The following CTNND2 variants were observed in gnomAD, a reference collection of about 807,000 sequenced individuals.
CTNND2 encodes the protein catenin delta 2, also known as catenin delta-2.
A neutral mutation model predicts 144.4 loss-of-function variants in CTNND2; 22 were observed. The ratio of observed to expected loss-of-function variants is 0.15; its 90% confidence interval spans 0.11 to 0.22. The LOEUF is 0.22. Ranked by LOEUF, CTNND2 falls within the 10% of genes least tolerant of loss-of-function variation. CTNND2 has a pLI of 1.00. For missense variants in CTNND2, 1,353 were observed against 1,618.8 expected, an observed-to-expected ratio of 0.84 and a Z score of 2.82; for synonymous variants, 751 against 695.6, an observed-to-expected ratio of 1.08 and a Z score of -1.25.
chr5:11,403,976 G>A (rs1760857542), intron 5 of CTNND2, among the ~76,000 whole-genome samples: 1 of 152,122 alleles, frequency 6.6e-6, no homozygotes, highest in African/African-American at 2.4e-5. Context: ...CTTTATTCTA[G>A]TGGTTCTCAA....
At chr5:11,293,289 T>C (rs1386862345) in intron 9 of CTNND2, among the ~76,000 whole-genome samples, 1 of 152,182 alleles carries the variant, frequency 6.6e-6, no homozygotes, top group African/African-American at 2.4e-5. Flanking sequence ...GTGACCCTCA[T>C]ACAATTCCAG....
intron 16 of CTNND2, 28 bp from the exon 17 acceptor site, chr5:11,023,007 G>C (rs1742435799): frequency 6.2e-7 from 1 of 1,605,274 alleles, no homozygotes; most frequent in Non-Finnish European, 8.5e-7. Flanking sequence ...GAGAAGAGTT[G>C]AAAGGAGGTC....
At chr5:11,399,946 A>G (rs767628340) in intron 5 of CTNND2, among the ~76,000 whole-genome samples, 9 of 152,360 alleles carry the variant, frequency 5.9e-5, no homozygotes, top group Middle Eastern at 6.8e-3. Context: ...GAGCACAGAC[A>G]TATGAAACAC....
intron 2 of CTNND2, among the ~76,000 whole-genome samples, chr5:11,667,031 T>C (rs1367854153): frequency 6.6e-6 from 1 of 152,064 alleles, no homozygotes; most frequent in African/African-American, 2.4e-5. Flanking sequence ...GGTTTTCTGT[T>C]CTTGTGTTAG....
At chr5:11,120,379 G>T (rs1473897790) in intron 12 of CTNND2, among the ~76,000 whole-genome samples, 1 of 151,732 alleles carries the variant, frequency 6.6e-6, no homozygotes, top group African/African-American at 2.4e-5. Context: ...TATACTGTCT[G>T]CAGGCATGGT....
chr5:11,815,010 T>C (rs1167185326), intron 1 of CTNND2, among the ~76,000 whole-genome samples: 1 of 152,238 alleles, frequency 6.6e-6, no homozygotes, highest in African/African-American at 2.4e-5. Context: ...CATAAGATTC[T>C]CATTAGTGAG....
chr5:11,081,390 A>AT (rs2149632950), intron 16 of CTNND2, among the ~76,000 whole-genome samples: 1 of 152,364 alleles, frequency 6.6e-6, no homozygotes, highest in South Asian at 2.1e-4. Context: ...ATCAGTTCAC[A>AT]TTGTATGCAT....
intron 2 of CTNND2, among the ~76,000 whole-genome samples, chr5:11,662,205 G>GTA (rs59545894): frequency 1.2e-3 from 153 of 126,026 alleles, no homozygotes; most frequent in Middle Eastern, 8.1e-3. Context: ...GTGTATATAT[G>GTA]TATATATATA....
chr5:11,043,925 T>A (rs1047276204), intron 16 of CTNND2, among the ~76,000 whole-genome samples: 3 of 152,214 alleles, frequency 2.0e-5, no homozygotes, highest in Admixed American at 6.5e-5. Context: ...AGTTTTCTCT[T>A]CTGAAATTGC....
intron 16 of CTNND2, among the ~76,000 whole-genome samples, chr5:11,036,369 T>A (rs1744065228): frequency 6.6e-6 from 1 of 152,184 alleles, no homozygotes; most frequent in Non-Finnish European, 1.5e-5. Context: ...GCATCCCAGA[T>A]AACTCTTTTT....
At position 11,745,008 on chromosome 5, in the gene CTNND2, A is replaced by G. The variant is rs143308232; in HGVS notation, c.38-12736T>C. Among the ~76,000 whole-genome samples the G allele has an allele frequency of 2.6e-5, 4 of 152,286 alleles. 1 individual carries two copies. In the East Asian group the frequency reaches 7.7e-4, roughly 29 times the overall value. ...ACCTCGGCCAAAGTACTGGGATTAC[A>G]GGCATGAGCCACCATGCCCAGCTAA... On this transcript the variant is annotated intron_variant, in intron 1 of 21. Transcript: ENST00000304623.
At chr5:11,621,944 T>C (rs957716555) in intron 2 of CTNND2, among the ~76,000 whole-genome samples, 1 of 152,168 alleles carries the variant, frequency 6.6e-6, no homozygotes, top group African/African-American at 2.4e-5. Flanking sequence ...GCAAATATAA[T>C]ACACAAACAA....
chr5:11,597,911 G>A (rs767916372), intron 2 of CTNND2, among the ~76,000 whole-genome samples: 4 of 152,018 alleles, frequency 2.6e-5, no homozygotes, highest in Non-Finnish European at 5.9e-5. Context: ...AAGTAGAGCT[G>A]GTATTTTATT....
intron 10 of CTNND2, among the ~76,000 whole-genome samples, chr5:11,236,043 A>C (rs1741601304): frequency 1.3e-5 from 2 of 152,234 alleles, no homozygotes; most frequent in African/African-American, 4.8e-5. Context: ...GGCTGCAGTG[A>C]CCACTGTGAT....
At chr5:11,473,592 A>C (rs27686) in intron 3 of CTNND2, among the ~76,000 whole-genome samples, 51,980 of 152,076 alleles carry the variant, frequency 0.34, 9,671 homozygotes, top group South Asian at 0.46. Context: ...CTCAACAACT[A>C]CAGGAAATGG....
intron 2 of CTNND2, among the ~76,000 whole-genome samples, chr5:11,684,772 T>C (rs1229143588): frequency 6.6e-6 from 1 of 152,200 alleles, no homozygotes. Flanking sequence ...GTCAACCACT[T>C]TGCTAAGTCA....
In CTNND2 at chr5:11,299,975, T is replaced by G. The variant is rs143470104; in HGVS notation, c.1628+46397A>C. Among the ~76,000 whole-genome samples, 10 of 152,326 alleles carry G rather than the reference T, an allele frequency of 6.6e-5. No individual in the cohort carries two copies. In the East Asian group the frequency reaches 1.9e-3, roughly 29 times the overall value. ...AATTGATGGGCATGAAACATACATG[T>G]GAATACATTACACATGATCCTCTCA... On this transcript the variant is annotated intron_variant, in intron 9 of 21. Coordinates refer to ENST00000304623, the MANE Select transcript of CTNND2 (RefSeq NM_001332.4).
chr5:11,370,059 A>C (rs1305469968), intron 7 of CTNND2, among the ~76,000 whole-genome samples: 1 of 152,222 alleles, frequency 6.6e-6, no homozygotes, highest in Non-Finnish European at 1.5e-5. Context: ...TTTTTAACTC[A>C]AAATTTCAAA....
intron 14 of CTNND2, among the ~76,000 whole-genome samples, chr5:11,110,541 C>T (rs1427631590): frequency 6.6e-6 from 1 of 152,196 alleles, no homozygotes; most frequent in Non-Finnish European, 1.5e-5. Context: ...AAATCCAGCT[C>T]CGACAATGCC....
Sources: allele counts gnomAD v4.1 joint callset (sites outside exome capture counted in the v4.1 genomes callset), GRCh38; gene constraint gnomAD v4.1.1; transcripts MANE v1.5; gene names NCBI Gene and HGNC (gene_info 2026-07-23, HGNC 2026-07-21).